PXDNL: variants seen among roughly 807,000 people sequenced by gnomAD.
PXDNL encodes the protein peroxidasin like.
Under a neutral mutation model 150.8 loss-of-function variants are expected in PXDNL, and 145 were observed. The ratio of observed to expected loss-of-function variants is 0.96; its 90% CI spans 0.84 to 1.10. The LOEUF is 1.10. PXDNL is among the 50% of genes least tolerant of loss of function. The pLI, the probability that PXDNL is intolerant of heterozygous loss-of-function variation, is 0.00. For synonymous variants in PXDNL, 757 were observed against 725.7 expected (o/e 1.04, Z -0.69); for missense variants, 2,087 against 1,873.9 (o/e 1.11, Z -2.10).
intron 1 of PXDNL, among the ~76,000 whole-genome samples, chr8:51,698,177 T>C (rs1468882689): frequency 6.6e-6 from 1 of 152,194 alleles, no homozygotes; most frequent in South Asian, 2.1e-4. Context: ...ATAATGAAGT[T>C]TGGTGCATTG....
At chr8:51,644,964 T>A (rs986564904) in intron 2 of PXDNL, among the ~76,000 whole-genome samples, 1 of 150,688 alleles carries the variant, frequency 6.6e-6, no homozygotes, top group African/African-American at 2.4e-5. Flanking sequence ...AGGAAATACA[T>A]GGAGACATAA....
chr8:51,434,941 T>G (rs10090334), intron 12 of PXDNL, among the ~76,000 whole-genome samples: 40 of 152,236 alleles, frequency 2.6e-4, no homozygotes, highest in Middle Eastern at 3.4e-3. Flanking sequence ...ACCCAAGAAA[T>G]AACAATTAAT....
At chr8:51,755,142 TG>T (rs2037086759) in intron 1 of PXDNL, among the ~76,000 whole-genome samples, 1 of 152,126 alleles carries the variant, frequency 6.6e-6, no homozygotes. Flanking sequence ...AAAGGACAAA[TG>T]GGCCCCATCC....
intron 1 of PXDNL, among the ~76,000 whole-genome samples, chr8:51,761,357 T>A (rs2037164995): frequency 6.6e-6 from 1 of 152,146 alleles, no homozygotes; most frequent in Non-Finnish European, 1.5e-5. Context: ...GTTTTACTCA[T>A]CTGTAAAACG....
At chr8:51,608,302 T>C (rs908425054) in intron 2 of PXDNL, among the ~76,000 whole-genome samples, 1 of 140,886 alleles carries the variant, frequency 7.1e-6, no homozygotes, top group Non-Finnish European at 1.5e-5. Context: ...GGCAGGAGAA[T>C]GGCGTGAACC....
At chr8:51,745,796 G>GCTGGAGTGCAGTGGTGAGA (rs1171858985) in intron 1 of PXDNL, among the ~76,000 whole-genome samples, 3 of 147,054 alleles carry the variant, frequency 2.0e-5, no homozygotes, top group Non-Finnish European at 4.5e-5. Context: ...TCACTCTGTC[G>GCTGGAGTGCAGTGGTGAGA]CTGGAGTGCA....
At chr8:51,760,922 G>T (rs1299709657) in intron 1 of PXDNL, among the ~76,000 whole-genome samples, 2 of 131,634 alleles carry the variant, frequency 1.5e-5, no homozygotes, top group African/African-American at 2.9e-5. Context: ...GCAGTGGCGC[G>T]ATCTCAGCTC....
At chr8:51,480,969 TG>T (rs1810590767) in intron 6 of PXDNL, among the ~76,000 whole-genome samples, 1 of 152,154 alleles carries the variant, frequency 6.6e-6, no homozygotes. Context: ...AAATTGGTAC[TG>T]GGAGTGGGGC....
At chr8:51,738,220 T>C (rs575963520) in intron 1 of PXDNL, among the ~76,000 whole-genome samples, 1 of 152,332 alleles carries the variant, frequency 6.6e-6, no homozygotes, top group African/African-American at 2.4e-5. Flanking sequence ...TGTTTTCCTA[T>C]TGTTTTCAGG....
At chr8:51,634,229 AG>A in intron 2 of PXDNL, among the ~76,000 whole-genome samples, 2 of 152,256 alleles carry the variant, frequency 1.3e-5, no homozygotes, top group African/African-American at 4.8e-5. Flanking sequence ...TTTATTGAAT[AG>A]GGAGTCTTTT....
chr8:51,610,931 C>G (rs781239257), intron 2 of PXDNL, among the ~76,000 whole-genome samples: 10 of 151,726 alleles, frequency 6.6e-5, no homozygotes, highest in Non-Finnish European at 1.3e-4. Flanking sequence ...AACAGACCTT[C>G]ACTAAATATG....
chr8:51,787,856 T>G (rs1385863817), intron 1 of PXDNL, among the ~76,000 whole-genome samples: 1 of 152,190 alleles, frequency 6.6e-6, no homozygotes, highest in African/African-American at 2.4e-5. Flanking sequence ...GAAGAGTCCA[T>G]TAATGCAGGA....
chr8:51,733,237 T>C (rs918625168), intron 1 of PXDNL, among the ~76,000 whole-genome samples: 1 of 152,202 alleles, frequency 6.6e-6, no homozygotes, highest in Non-Finnish European at 1.5e-5. Context: ...ACATATTCAC[T>C]AGCATTCTGA....
chr8:51,696,179 C>G (rs1228653532), intron 1 of PXDNL, among the ~76,000 whole-genome samples: 1 of 152,136 alleles, frequency 6.6e-6, no homozygotes, highest in Admixed American at 6.5e-5. Flanking sequence ...TTAATTGTGT[C>G]CCCCTAAAAT....
chr8:51,352,151 C>G (rs1459762944), intron 19 of PXDNL, among the ~76,000 whole-genome samples: 1 of 151,760 alleles, frequency 6.6e-6, no homozygotes, highest in African/African-American at 2.4e-5. Context: ...AAGATAATTC[C>G]CACCATAAAA....
chr8:51,665,073 C>T (rs1815354179), intron 1 of PXDNL, among the ~76,000 whole-genome samples: 1 of 152,182 alleles, frequency 6.6e-6, no homozygotes, highest in Non-Finnish European at 1.5e-5. Context: ...TCGGGTGCCT[C>T]TTGCTGCCAA....
At chr8:51,472,095 A>T (rs1810351494) in intron 8 of PXDNL, 92 bp downstream of exon 8, 1 of 765,170 alleles carries the variant, frequency 1.3e-6, no homozygotes, top group Admixed American at 2.5e-5. Context: ...AATTTTAGTA[A>T]TTTCTTCTCT....
At chr8:51,733,707 C>T (rs764984513) in intron 1 of PXDNL, among the ~76,000 whole-genome samples, 35 of 151,616 alleles carry the variant, frequency 2.3e-4, no homozygotes, top group Admixed American at 5.3e-4. Flanking sequence ...GCTCAGGTGG[C>T]TGAGGCAGGA....
At chr8:51,598,267 A>G (rs1351691760) in intron 2 of PXDNL, among the ~76,000 whole-genome samples, 1 of 151,964 alleles carries the variant, frequency 6.6e-6, no homozygotes, top group Non-Finnish European at 1.5e-5. Context: ...TTTTAGTAGT[A>G]TTTTGAATAG....
Sources: allele counts gnomAD v4.1 joint callset (sites outside exome capture counted in the v4.1 genomes callset), GRCh38; gene constraint gnomAD v4.1.1; transcripts MANE v1.5; gene names NCBI Gene and HGNC (gene_info 2026-07-23, HGNC 2026-07-21).